Variants in MMP26 observed in about 807,000 individuals in gnomAD.
MMP26 encodes the protein matrix metallopeptidase 26, also known as matrix metalloproteinase-26.
MMP26 carries 33 observed loss-of-function variants against 31.0 expected under a neutral mutation model. The observed-to-expected ratio is 1.06, with a 90% CI of 0.81 to 1.42. The LOEUF (loss-of-function observed/expected upper bound fraction) is 1.42, where lower values mean the gene tolerates loss of function less well. MMP26 is among the 40% of genes most tolerant of loss of function. The pLI is 0.00. For missense variants in MMP26, 347 were observed against 316.1 expected (o/e 1.10, Z -0.74); for synonymous variants, 122 against 114.9 (o/e 1.06, Z -0.40).
chr11:4,962,861 G>C (rs1846539433), intron 2 of MMP26, among the ~76,000 whole-genome samples: 1 of 152,174 alleles, frequency 6.6e-6, no homozygotes, highest in Non-Finnish European at 1.5e-5. Context: ...AGTAGCAACT[G>C]TGACATTAGT....
In MMP26 at chr11:4,914,972, A is replaced by G. The variant is rs759693125; in HGVS notation, c.-144-73096A>G. The G allele has an allele frequency of 2.5e-6, 4 of 1,614,168 alleles. No individual in the cohort carries two copies. In the East Asian group the frequency reaches 8.9e-5, roughly 36 times the overall value. ...TCTCTCAGCCCTGGAGGCGATGGAC[A>G]GCACGGTGCGCAGGATCAGAGCATA... On this transcript the variant is annotated intron_variant, in intron 2 of 7. Transcript: ENST00000380390.
intron 1 of MMP26, among the ~76,000 whole-genome samples, chr11:4,748,833 C>T (rs1274270627): frequency 6.6e-6 from 1 of 151,982 alleles, no homozygotes; most frequent in Non-Finnish European, 1.5e-5. Context: ...CTGCAGCCAA[C>T]ATCATATTGA....
In MMP26 at chr11:4,989,812, C is replaced by T. The variant is rs138891928; in HGVS notation, c.264C>T (p.Ser88=). ...HQPHCGVPDG[S]DTSISPGRCK... is the part of the protein sequence containing the mutation. ...CCCACTGTGGGGTGCCTGATGGGTC[C>T]GACACCTCCATCTCGCCAGGAAGAT... Residue 88 remains serine, a synonymous_variant, in exon 4 of 8, where the codon TCC becomes TCT. Coordinates refer to ENST00000380390, the MANE Select transcript of MMP26 (RefSeq NM_021801.5). 728 of 1,613,284 alleles carry T rather than the reference C, an allele frequency of 4.5e-4. 3 individuals are homozygous for T. Among genetic ancestry groups the T allele is most frequent in the East Asian group, 1.6e-4 (7 of 44,858 alleles).
At position 4,882,237 on chromosome 11, in the gene MMP26, A is replaced by G. The variant is rs750161637; in HGVS notation, c.-144-105831A>G. On this transcript the variant is annotated intron_variant, in intron 2 of 7. Transcript: ENST00000380390. ...TTTGTGCATGCTTTCTCCTTGCTGGAGTCCTCGGTGCTGGTAGCCATGGCC... is the reference window on the plus strand; with the variant it reads ...TTTGTGCATGCTTTCTCCTTGCTGGGGTCCTCGGTGCTGGTAGCCATGGCC... 1.7e-5 allele frequency: 28 copies of G among 1,613,786 alleles called. No individual in the cohort carries two copies. The South Asian group carries it at 3.1e-4, about 18-fold the overall frequency.
chr11:4,945,944 T>C (rs113290594), intron 2 of MMP26: 54 of 567,418 alleles, frequency 9.5e-5, no homozygotes, highest in East Asian at 3.9e-4. Flanking sequence ...TCATAAGACA[T>C]TTATTTTTAT....
At chr11:4,855,541 G>T (rs192659436) in intron 2 of MMP26, among the ~76,000 whole-genome samples, 86 of 152,258 alleles carry the variant, frequency 5.6e-4, no homozygotes, top group African/African-American at 1.9e-3. Context: ...AAAAAGAAAA[G>T]AACAAAGCCT....
intron 2 of MMP26, among the ~76,000 whole-genome samples, chr11:4,813,090 C>T (rs1849372031): frequency 6.6e-6 from 1 of 151,814 alleles, no homozygotes; most frequent in Non-Finnish European, 1.5e-5. Flanking sequence ...GTTCAAACTT[C>T]GCTATCTGGG....
In MMP26 at chr11:4,800,982, A is replaced by G. The variant is rs138239994; in HGVS notation, c.-145+33641A>G. Among the ~76,000 whole-genome samples the G allele has an allele frequency of 3.2e-3, 484 of 152,150 alleles. 2 individuals carry two copies. The highest frequency in any genetic ancestry group is 0.011 in the African/African-American group (471 of 41,508). ...ATAGCTTCCTCATTTCCATCTGAGA[A>G]CTCATCAGCCTGGATTTTACTGTCC... On this transcript the variant is annotated intron_variant, in intron 2 of 7. Coordinates refer to ENST00000380390, the MANE Select transcript of MMP26 (RefSeq NM_021801.5).
intron 2 of MMP26, among the ~76,000 whole-genome samples, chr11:4,895,355 A>G (rs1046996424): frequency 2.0e-5 from 3 of 152,078 alleles, no homozygotes; most frequent in Admixed American, 6.6e-5. Context: ...CTTTCTTCCA[A>G]ATCTGAAGCC....
chr11:4,882,505 G>C (rs776761767), intron 2 of MMP26: 300 of 1,613,726 alleles, frequency 1.9e-4, no homozygotes, highest in Non-Finnish European at 2.4e-4. Flanking sequence ...TTTGGGGACT[G>C]TTTCTTCAGC....
At chr11:4,739,251 T>G (rs929854628) in intron 1 of MMP26, among the ~76,000 whole-genome samples, 3 of 152,220 alleles carry the variant, frequency 2.0e-5, no homozygotes, top group African/African-American at 7.2e-5. Flanking sequence ...TCTATCTTCA[T>G]CAAGGTAAAT....
intron 2 of MMP26, among the ~76,000 whole-genome samples, chr11:4,864,851 C>T (rs1480384489): frequency 6.6e-6 from 1 of 152,048 alleles, no homozygotes; most frequent in African/African-American, 2.4e-5. Flanking sequence ...CCAGTAATTT[C>T]CTATTATCGG....
intron 2 of MMP26, chr11:4,914,459 C>A (rs1851041814): frequency 2.4e-6 from 1 of 411,152 alleles, no homozygotes; most frequent in Non-Finnish European, 4.4e-6. Context: ...TGAGGAGTAG[C>A]AAGTTCCTGG....
chr11:4,981,305 C>T (rs1846810365), intron 2 of MMP26, among the ~76,000 whole-genome samples: 1 of 152,014 alleles, frequency 6.6e-6, no homozygotes, highest in African/African-American at 2.4e-5. Context: ...AATGCATTGT[C>T]ATGAGAACAT....
intron 1 of MMP26, among the ~76,000 whole-genome samples, chr11:4,764,252 T>C (rs1030012567): frequency 2.0e-5 from 3 of 152,202 alleles, no homozygotes; most frequent in Admixed American, 6.5e-5. Flanking sequence ...GTTGACAATA[T>C]TTTTTTGCTT....
At chr11:4,990,027 C>T (rs1363285758) in intron 4 of MMP26, among the ~76,000 whole-genome samples, 159 bp downstream of exon 4, 1 of 152,190 alleles carries the variant, frequency 6.6e-6, no homozygotes, top group Non-Finnish European at 1.5e-5. Flanking sequence ...CTACCAGATC[C>T]TTTTCTAGCT....
chr11:4,818,121 A>G (rs2133468291), intron 2 of MMP26, among the ~76,000 whole-genome samples: 1 of 152,330 alleles, frequency 6.6e-6, no homozygotes, highest in Non-Finnish European at 1.5e-5. Context: ...GGGTGTAGGA[A>G]TTAGTGATAT....
chr11:4,823,330 TTATCCA>T (rs1849536612), intron 2 of MMP26, among the ~76,000 whole-genome samples: 3 of 152,148 alleles, frequency 2.0e-5, no homozygotes, highest in Admixed American at 2.0e-4. Context: ...TGTTGACAAA[TTATCCA>T]AGCCTTTTAG....
intron 2 of MMP26, among the ~76,000 whole-genome samples, chr11:4,867,694 G>A (rs1186799396): frequency 6.6e-6 from 1 of 151,972 alleles, no homozygotes; most frequent in Non-Finnish European, 1.5e-5. Flanking sequence ...CAGCTGAGAT[G>A]CTGTCTTACA....
Sources: gnomAD v4.1 joint callset for allele counts (sites outside exome capture counted in the v4.1 genomes callset) on GRCh38, gnomAD v4.1.1 for gene constraint, MANE v1.5 for transcripts, NCBI Gene and HGNC (gene_info 2026-07-23, HGNC 2026-07-21) for gene names.